DDX31: variants seen among roughly 807,000 people sequenced by gnomAD.
DDX31 encodes ATP-dependent DNA helicase DDX31.
Under a neutral mutation model 91.3 loss-of-function variants are expected in DDX31, and 70 were observed. That is an observed-to-expected ratio of 0.77 (90% CI 0.63 to 0.94). The LOEUF is 0.94. DDX31 is among the 40% of genes least tolerant of loss of function. The pLI, the probability that DDX31 is intolerant of heterozygous loss-of-function variation, is 0.00. For missense variants in DDX31, 902 were observed against 925.0 expected (o/e 0.98, Z 0.32); for synonymous variants, 362 against 350.6 (o/e 1.03, Z -0.36).
chr9:132,599,347 C>T (rs1238140344), intron 19 of DDX31, among the ~76,000 whole-genome samples: 1 of 152,188 alleles, frequency 6.6e-6, no homozygotes, highest in Non-Finnish European at 1.5e-5. Flanking sequence ...AGCAGTCTGT[C>T]ACCATGCTAC....
intron 13 of DDX31, among the ~76,000 whole-genome samples, chr9:132,642,794 C>T (rs1833582405): frequency 1.3e-5 from 2 of 151,674 alleles, no homozygotes; most frequent in Non-Finnish European, 2.9e-5. Context: ...CCATTATTTA[C>T]GTGACCAATG....
At chr9:132,638,266 A>G (rs904888337) in intron 14 of DDX31, 9 of 1,605,390 alleles carry the variant, frequency 5.6e-6, no homozygotes, top group Non-Finnish European at 7.7e-6. Flanking sequence ...TAGAAACTCC[A>G]TTTTCCGGCC....
chr9:132,598,249 G>A (rs1257044356), intron 19 of DDX31, among the ~76,000 whole-genome samples: 1 of 152,146 alleles, frequency 6.6e-6, no homozygotes, highest in Non-Finnish European at 1.5e-5. Flanking sequence ...AAGTACAGAT[G>A]GGAAGATGAA....
intron 17 of DDX31, among the ~76,000 whole-genome samples, chr9:132,620,730 G>A (rs1470517319): frequency 1.3e-5 from 2 of 152,118 alleles, no homozygotes; most frequent in Non-Finnish European, 2.9e-5. Flanking sequence ...ACAGAGGGGG[G>A]CAGAGTTATG....
chr9:132,635,331 T>C (rs544852369), intron 14 of DDX31, among the ~76,000 whole-genome samples: 26 of 152,270 alleles, frequency 1.7e-4, no homozygotes, highest in African/African-American at 5.5e-4. Flanking sequence ...GTCTGTACTG[T>C]TACCTTGATG....
chr9:132,625,682 C>T lies in DDX31; in HGVS notation c.1695G>A (p.Gly565=), dbSNP rs1832350205. The T allele has an allele frequency of 6.2e-7, 1 of 1,613,950 alleles. No individual in the cohort carries two copies. Among genetic ancestry groups the T allele is most frequent in the Non-Finnish European group, 8.5e-7 (1 of 1,179,950 alleles). The change falls in exon 17 of 20, where the codon GGG becomes GGA. Residue 565 remains glycine (G), a synonymous_variant. Transcript: ENST00000372159. Reference sequence around the variant, plus strand: ...AACTCACCTGGGCTCCCCATCGTTTCCCTTTAAAACAATCATCTCTTGTCA... The same window carrying T: ...AACTCACCTGGGCTCCCCATCGTTTTCCTTTAAAACAATCATCTCTTGTCA... The part of the protein sequence containing the change: ...CVLTRDDCFK[G]KRWGAQKSHA...
intron 13 of DDX31, among the ~76,000 whole-genome samples, chr9:132,643,419 G>A (rs1833620937): frequency 6.6e-6 from 1 of 152,362 alleles, no homozygotes; most frequent in East Asian, 1.9e-4. Flanking sequence ...CTTTGGCACA[G>A]TCACTATGTG....
In DDX31 at chr9:132,662,701, T is replaced by C; in HGVS notation, c.76-6A>G. The C allele has an allele frequency of 6.2e-7, 1 of 1,613,960 alleles. No homozygotes were observed. Among genetic ancestry groups the C allele is most frequent in the Non-Finnish European group, 8.5e-7 (1 of 1,180,004 alleles). On this transcript the variant is annotated splice_region_variant and splice_polypyrimidine_tract_variant and intron_variant, in intron 1 of 19. Transcript: ENST00000372159. ...CTTTTCGTAGCCTTTGCTTGCTGCG[T>C]TGTTCCCAGAAGGAAAGATCAACAA...
At chr9:132,600,214 A>G (rs904603473) in intron 19 of DDX31, among the ~76,000 whole-genome samples, 1 of 152,206 alleles carries the variant, frequency 6.6e-6, no homozygotes, top group Non-Finnish European at 1.5e-5. Flanking sequence ...GACTCTTTCA[A>G]CCTCTGGGTT....
At chr9:132,668,284 T>C (rs1454155684) in intron 1 of DDX31, among the ~76,000 whole-genome samples, 1 of 152,190 alleles carries the variant, frequency 6.6e-6, no homozygotes, top group Non-Finnish European at 1.5e-5. Flanking sequence ...TTCTAGGGCA[T>C]CTTACCCCTC....
intron 1 of DDX31, 39 bp from the exon 2 acceptor site, chr9:132,662,734 A>C (rs1341815873): frequency 1.2e-6 from 2 of 1,611,970 alleles, no homozygotes; most frequent in Admixed American, 3.3e-5. Context: ...CAAGAGATGC[A>C]TTAGTCCATG....
At chr9:132,644,520 C>T (rs1004735657) in intron 13 of DDX31, among the ~76,000 whole-genome samples, 2 of 152,126 alleles carry the variant, frequency 1.3e-5, no homozygotes, top group Non-Finnish European at 2.9e-5. Context: ...GCAGGGTGCC[C>T]CCAGAGGGCA....
At chr9:132,666,471 A>G (rs1043224031) in intron 1 of DDX31, among the ~76,000 whole-genome samples, 1 of 152,116 alleles carries the variant, frequency 6.6e-6, no homozygotes, top group African/African-American at 2.4e-5. Context: ...GGTTTTTAAA[A>G]ATCTTTTTTC....
At chr9:132,637,724 G>T in intron 14 of DDX31, 2 of 667,132 alleles carry the variant, frequency 3.0e-6, no homozygotes, top group Non-Finnish European at 3.7e-6. Flanking sequence ...GAGAGATCTT[G>T]GCTGGAGCCG....
intron 18 of DDX31, among the ~76,000 whole-genome samples, chr9:132,613,083 T>C (rs1238343403): frequency 1.3e-5 from 2 of 152,194 alleles, no homozygotes; most frequent in East Asian, 3.9e-4. Context: ...GGTTTCACTA[T>C]GTTGCCCAGG....
In DDX31 at chr9:132,595,048, A is replaced by T. The variant is rs201133051; in HGVS notation, c.2059T>A (p.Ser687Thr). The change falls in exon 20 of 20, where the codon TCA becomes ACA. Residue 687 changes from serine to threonine, a missense_variant. By Grantham distance (58) the Ser-to-Thr change is moderately conservative. Transcript: ENST00000372159. The surrounding 1 kb of genome is among the most constrained non-coding windows in gnomAD (Gnocchi z 4.6). ...SLAEILRSEYSSGMEADIAKV... is the reference protein window; with the variant it reads ...SLAEILRSEYTSGMEADIAKV... ...GCGATGTCGGCCTCCATGCCGCTTG[A>T]GTATTCCGAACGTAGGATTTCAGCG... The T allele has an allele frequency of 6.2e-7, 1 of 1,614,204 alleles. No homozygotes were observed. Among genetic ancestry groups the T allele is most frequent in the Non-Finnish European group, 8.5e-7 (1 of 1,180,030 alleles).
chr9:132,636,781 G>A (rs1331758537), intron 14 of DDX31, among the ~76,000 whole-genome samples: 1 of 152,048 alleles, frequency 6.6e-6, no homozygotes, highest in Non-Finnish European at 1.5e-5. Flanking sequence ...ATTTCTTTAG[G>A]CTACCACAGT....
chr9:132,664,716 C>CAAAAA (rs10668095), intron 1 of DDX31, among the ~76,000 whole-genome samples: 2 of 97,390 alleles, frequency 2.1e-5, no homozygotes, highest in Non-Finnish European at 4.0e-5. Context: ...GACCCTCGCT[C>CAAAAA]AAAAAAAAAA....
Position 132,658,721 on chromosome 9 carries a change from A to G in DDX31, c.538T>C (p.Tyr180His). 3.7e-6 allele frequency: 6 copies of G among 1,613,960 alleles called. No individual in the cohort carries two copies. Among genetic ancestry groups the G allele is most frequent in the Non-Finnish European group, 5.1e-6 (6 of 1,179,938 alleles). Residue 180 changes from tyrosine (Y) to histidine (H), a missense_variant, in exon 6 of 20, where the codon TAT becomes CAT. Coordinates refer to ENST00000372159, the MANE Select transcript of DDX31 (RefSeq NM_022779.9). ...AGGGACTGGACCACAGGGATGCAAT[A>G]GGCAAGAGTTTTACCTTTCAAAAAA... Reference protein sequence around the residue: ...SQTGSGKTLAYCIPVVQSLQA... With the variant: ...SQTGSGKTLAHCIPVVQSLQA...
Sources: gnomAD v4.1 joint callset for allele counts (sites outside exome capture counted in the v4.1 genomes callset) on GRCh38, gnomAD v4.1.1 for gene constraint, Gnocchi (gnomAD v3.1) non-coding constraint, MANE v1.5 for transcripts, NCBI Gene and HGNC (gene_info 2026-07-23, HGNC 2026-07-21) for gene names.